Variants in TICRR observed in about 807,000 individuals in gnomAD.
TICRR encodes the protein treslin.
Under a neutral mutation model 178.1 loss-of-function variants are expected in TICRR, and 132 were observed. That is an observed-to-expected ratio of 0.74 (90% confidence interval 0.64 to 0.86). TICRR has a LOEUF of 0.86. TICRR is among the 40% of genes least tolerant of loss of function. The pLI, the probability that TICRR is intolerant of heterozygous loss-of-function variation, is 0.00. For missense variants in TICRR, 2,587 were observed against 2,334.3 expected (o/e 1.11, Z -2.23); for synonymous variants, 991 against 900.7 (o/e 1.10, Z -1.79).
In TICRR at chr15:89,598,881, C is replaced by A. The variant is rs545490765; in HGVS notation, c.1901-443C>A. Among the ~76,000 whole-genome samples the A allele has an allele frequency of 2.0e-5, 3 of 152,184 alleles. No homozygotes were observed. The South Asian group carries it at 6.2e-4, about 32-fold the overall frequency. On this transcript the variant is annotated intron_variant, in intron 7 of 21. Coordinates refer to ENST00000268138, the MANE Select transcript of TICRR (RefSeq NM_152259.4). The stretch of plus-strand genomic sequence containing the variant: ...AATAAGCTAGGTGTGGTGGCACATG[C>A]TTGTGGTCCCAGCTACTCCAGAGGC...
At chr15:89,606,067 T>C (rs1333585595) in intron 13 of TICRR, among the ~76,000 whole-genome samples, 1 of 152,238 alleles carries the variant, frequency 6.6e-6, no homozygotes, top group Non-Finnish European at 1.5e-5. Context: ...AGGGTGTTCC[T>C]TCTCCATCCA....
intron 16 of TICRR, among the ~76,000 whole-genome samples, chr15:89,617,571 G>A (rs1476091935): frequency 6.6e-6 from 1 of 152,120 alleles, no homozygotes; most frequent in Non-Finnish European, 1.5e-5. Flanking sequence ...CACTCAGGCT[G>A]GAGTGCAGTG....
chr15:89,622,740 C>T (rs1053646121), intron 19 of TICRR, among the ~76,000 whole-genome samples: 4 of 152,226 alleles, frequency 2.6e-5, no homozygotes, highest in African/African-American at 7.2e-5. Context: ...GGGTGCCATC[C>T]TGCACAGCCA....
At chr15:89,584,057 C>T (rs986956301) in intron 2 of TICRR, among the ~76,000 whole-genome samples, 3 of 152,150 alleles carry the variant, frequency 2.0e-5, no homozygotes, top group African/African-American at 7.2e-5. Context: ...GCCTTTGTAA[C>T]TCCATTTGTT....
intron 7 of TICRR, among the ~76,000 whole-genome samples, chr15:89,598,371 G>C (rs989998003): frequency 1.3e-5 from 2 of 151,938 alleles, no homozygotes; most frequent in African/African-American, 4.8e-5. Context: ...TTGTTTGTTT[G>C]TTTGTTTTGA....
At chr15:89,620,147 A>C (rs1596057706) in intron 18 of TICRR, among the ~76,000 whole-genome samples, 1 of 152,130 alleles carries the variant, frequency 6.6e-6, no homozygotes, top group East Asian at 1.9e-4. Context: ...GTGGAAGGTG[A>C]TATCTGTGTT....
intron 7 of TICRR, among the ~76,000 whole-genome samples, chr15:89,596,422 C>T (rs1056096778): frequency 1.3e-5 from 2 of 152,274 alleles, no homozygotes; most frequent in Non-Finnish European, 2.9e-5. Flanking sequence ...TCTTGGCTCA[C>T]TGCAACCTCT....
At position 89,585,735 on chromosome 15, in the gene TICRR, C is replaced by T. The variant is rs11629584; in HGVS notation, c.1204C>T (p.Arg402Trp). ...LVADVDPGEG[R>W]PPITGVISPL... ...TGCTGATGTGGACCCTGGTGAAGGC[C>T]GGCCCCCCATCACTGGAGTTATTTC... The change falls in exon 4 of 22, where the codon CGG (arginine) becomes TGG (tryptophan). Residue 402 changes from arginine (R) to tryptophan (W), a missense_variant. By Grantham distance (101) the Arg-to-Trp change is moderately radical (BLOSUM62 -3). Coordinates refer to ENST00000268138, the MANE Select transcript of TICRR (RefSeq NM_152259.4). 0.49 allele frequency: 786,244 copies of T among 1,612,696 alleles called. 195,697 individuals carry two copies. The highest frequency in any genetic ancestry group is 0.51 in the Non-Finnish European group (606,810 of 1,178,940).
At chr15:89,579,337 GTTTGTATT>G (rs1183035465) in intron 1 of TICRR, among the ~76,000 whole-genome samples, 1 of 151,998 alleles carries the variant, frequency 6.6e-6, no homozygotes, top group African/African-American at 2.4e-5. Context: ...ATAGTATACT[GTTTGTATT>G]TTTGTTTTTG....
At chr15:89,613,404 T>A (rs1449368933) in intron 15 of TICRR, among the ~76,000 whole-genome samples, 1 of 152,230 alleles carries the variant, frequency 6.6e-6, no homozygotes, top group Non-Finnish European at 1.5e-5. Context: ...GTTTTGGATC[T>A]CTTTCACTTT....
At position 89,575,798 on chromosome 15, in the gene TICRR, G is replaced by A. The variant is rs757403177; in HGVS notation, c.212G>A (p.Arg71His). 87 of 1,604,958 alleles carry A rather than the reference G, an allele frequency of 5.4e-5. No individual in the cohort carries two copies. The highest frequency in any genetic ancestry group is 6.9e-5 in the Non-Finnish European group (81 of 1,177,044). The part of the protein sequence containing the change: ...RVSDFRELGS[R>H]SWEDFEEELE... ...TCTGACTTCCGCGAGCTGGGGTCCC[G>A]CTCGTGGGAGGACTTTGAGGAGGAG... The change falls in exon 1 of 22, where the codon CGC becomes CAC. Residue 71 changes from arginine to histidine, a missense_variant. Arg to His is a conservative substitution (Grantham distance 29, BLOSUM62 0). Coordinates refer to ENST00000268138, the MANE Select transcript of TICRR (RefSeq NM_152259.4).
intron 9 of TICRR, 91 bp from the exon 10 acceptor site, chr15:89,601,207 T>G (rs36061342): frequency 9.2e-7 from 1 of 1,090,898 alleles, no homozygotes. Flanking sequence ...TTGGTTGTTG[T>G]GTCTTATATA....
chr15:89,618,274 T>G, intron 17 of TICRR, 64 bp downstream of exon 17: 1 of 1,456,646 alleles, frequency 6.9e-7, no homozygotes, highest in South Asian at 1.1e-5. Context: ...CCTTTCTGTA[T>G]GTATTGTTAC....
rs1303037222 is a variant in TICRR at position 89,576,088 on chromosome 15, C to T, written c.502C>T (p.Leu168=). ...APCPHSQREL[L]QFVSGCEAQA... ...CTGTCCGCACTCGCAGAGGGAGCTG[C>T]TGCAGTTCGTGTCTGGGTGCGAGGC... Residue 168 remains leucine, a synonymous_variant, in exon 1 of 22, where the codon CTG becomes TTG. Coordinates refer to ENST00000268138, the MANE Select transcript of TICRR (RefSeq NM_152259.4). The T allele has an allele frequency of 5.6e-6, 9 of 1,612,096 alleles. No individual in the cohort carries two copies. The highest frequency in any genetic ancestry group is 6.8e-6 in the Non-Finnish European group (8 of 1,179,986).
intron 4 of TICRR, among the ~76,000 whole-genome samples, chr15:89,590,889 C>A (rs1401185576): frequency 6.6e-6 from 1 of 152,192 alleles, no homozygotes; most frequent in Non-Finnish European, 1.5e-5. Flanking sequence ...TAATGTCTAA[C>A]ATTTCATTTG....
chr15:89,581,400 A>G (rs1251920907), intron 1 of TICRR, among the ~76,000 whole-genome samples: 1 of 152,208 alleles, frequency 6.6e-6, no homozygotes, highest in Non-Finnish European at 1.5e-5. Context: ...GACATGGCAC[A>G]TAGAAGTTAC....
At chr15:89,615,682 A>G (rs1290024957) in intron 15 of TICRR, among the ~76,000 whole-genome samples, 2 of 152,144 alleles carry the variant, frequency 1.3e-5, no homozygotes, top group Non-Finnish European at 2.9e-5. Context: ...CAGTCCTCTC[A>G]TAAGTAGCTT....
At chr15:89,616,328 A>G (rs1963334624) in intron 15 of TICRR, 77 bp from the exon 16 acceptor site, 1 of 1,252,696 alleles carries the variant, frequency 8.0e-7, no homozygotes. Context: ...AGAAGTTCAA[A>G]CTGCTCCCTT....
At position 89,625,281 on chromosome 15, in the gene TICRR, CTCTCCATT is replaced by C; in HGVS notation, c.4974_4981del (p.Pro1659AsnfsTer22). On this transcript the variant is annotated frameshift_variant, in exon 20 of 22. Coordinates refer to ENST00000268138, the MANE Select transcript of TICRR (RefSeq NM_152259.4). LOFTEE classifies it high-confidence loss of function. ...CCACCCACGGCCCTTCTAGTACCCC[CTCTCCATT>C]TCAAACAGATGGGGTTCCTTGGACA... 6.2e-7 allele frequency: 1 copy of C among 1,613,986 alleles called. No homozygotes were observed. Among genetic ancestry groups the C allele is most frequent in the South Asian group, 1.1e-5 (1 of 91,076 alleles).
Sources: gnomAD v4.1 joint callset for allele counts (sites outside exome capture counted in the v4.1 genomes callset) on GRCh38, gnomAD v4.1.1 for gene constraint, MANE v1.5 for transcripts, NCBI Gene and HGNC (gene_info 2026-07-23, HGNC 2026-07-21) for gene names.